Variants in TEAD2 observed in about 807,000 individuals in gnomAD.
TEAD2 encodes TEA domain transcription factor 2.
A neutral mutation model predicts 61.4 loss-of-function variants in TEAD2; 51 were observed. That is an observed-to-expected ratio of 0.83 (90% confidence interval 0.66 to 1.05). TEAD2 has a LOEUF of 1.05. Among genes scored for constraint, TEAD2 ranks in the 50% least tolerant of loss-of-function variants. TEAD2 has a pLI of 0.00. For missense variants in TEAD2, 509 were observed against 600.0 expected (o/e 0.85, Z 1.58); for synonymous variants, 244 against 243.2 (o/e 1.00, Z -0.03).
rs1244524515 is a variant in TEAD2, at chr19:49,359,632, T to G, written c.233-133A>C. 1 of 1,142,190 alleles carries G rather than the reference T, an allele frequency of 8.8e-7. No individual in the cohort carries two copies. Among genetic ancestry groups the G allele is most frequent in the Non-Finnish European group, 1.3e-6 (1 of 775,046 alleles). The allele number at this position is 1,142,190 out of a possible 1,614,324, so 70.8% of individuals were successfully genotyped here. A position where few individuals can be genotyped will look rare whatever the true frequency, so the allele number is the denominator to read the frequency against. Reference sequence around the variant, plus strand: ...CAAGTGGGCTGCCGGTCCCCTCAGCTACGTGGAAGCCAGACTGCTTGGGTT... The same window carrying G: ...CAAGTGGGCTGCCGGTCCCCTCAGCGACGTGGAAGCCAGACTGCTTGGGTT... On this transcript the variant is annotated intron_variant, in intron 2 of 12. Transcript: ENST00000593945. The surrounding 1 kb of genome is among the most constrained non-coding windows in gnomAD (Gnocchi z 4.1).
chr19:49,346,930 CCAGGTAACT>C lies in TEAD2; in HGVS notation c.921+251_921+259del, dbSNP rs1398858739. On this transcript the variant is annotated intron_variant, in intron 10 of 12. Transcript: ENST00000593945. Reference sequence around the variant, plus strand: ...GCCCAGGACCCTATTAGCTACATGGCCAGGTAACTCACCGTATTAGTTACATGTGGCAAT... The same window carrying C: ...GCCCAGGACCCTATTAGCTACATGGCCACCGTATTAGTTACATGTGGCAAT... 3.9e-5 allele frequency among the ~76,000 whole-genome samples: 6 copies of C among 152,254 alleles called. No individual in the cohort carries two copies. In the East Asian group the frequency reaches 1.2e-3, roughly 29 times the overall value.
Position 49,342,565 on chromosome 19 carries a change from C to G in TEAD2, c.1115G>C (p.Gly372Ala). ...GCGCAGCAGGCGGTACACAAATCTG[C>G]CGTCCTCCAGCTGGGCCCGTTCCGT... ...VETERAQLED[G>A]RFVYRLLRSP... The change falls in exon 12 of 13, where the codon GGC becomes GCC. Residue 372 changes from glycine to alanine, a missense_variant. By Grantham distance (60) the Gly-to-Ala change is moderately conservative. Transcript: ENST00000593945. The G allele has an allele frequency of 6.2e-7, 1 of 1,613,618 alleles. No homozygotes were observed.
chr19:49,351,158 A>G, intron 8 of TEAD2, 143 bp downstream of exon 8: 1 of 768,180 alleles, frequency 1.3e-6, no homozygotes, highest in Non-Finnish European at 2.1e-6. Context: ...CAGCCTGGCG[A>G]CAGAGGGAGA....
chr19:49,359,094 C>T lies in TEAD2; in HGVS notation c.297+341G>A, dbSNP rs1972616848. 6.6e-6 allele frequency among the ~76,000 whole-genome samples: 1 copy of T among 151,968 alleles called. No individual in the cohort carries two copies. The highest frequency in any genetic ancestry group is 2.4e-5 in the African/African-American group (1 of 41,424). ...TCTCTACTAAAAATACAAAATTACC[C>T]AGGCATGGTAGTGCATGTCTGTAAT... On this transcript the variant is annotated intron_variant, in intron 3 of 12. Transcript: ENST00000593945. The surrounding 1 kb of genome is among the most constrained non-coding windows in gnomAD (Gnocchi z 4.1).
intron 3 of TEAD2, 112 bp from the exon 4 acceptor site, chr19:49,357,426 A>G: frequency 8.9e-7 from 1 of 1,122,770 alleles, no homozygotes; most frequent in Non-Finnish European, 1.3e-6. Context: ...GAAAGGTGAA[A>G]AACACACTGA....
At chr19:49,352,597 C>T (rs1457972699) in intron 7 of TEAD2, among the ~76,000 whole-genome samples, 1 of 152,158 alleles carries the variant, frequency 6.6e-6, no homozygotes, top group Non-Finnish European at 1.5e-5. Flanking sequence ...ACTGCAATGG[C>T]GTGATCTTGG....
At chr19:49,343,526 G>T in intron 10 of TEAD2, 128 bp from the exon 11 acceptor site, 5 of 1,068,292 alleles carry the variant, frequency 4.7e-6, no homozygotes, top group Non-Finnish European at 6.5e-6. Flanking sequence ...GATCACCTGA[G>T]GTTGGGAGTT....
In TEAD2 at chr19:49,341,394, G is replaced by C. The variant is rs757112725; in HGVS notation, c.1286C>G (p.Ala429Gly). ...RDTQELLLCT[A>G]YVFEVSTSER... ...GCTGGTGGAGACCTCGAAGACATAGGCGGTGCAGAGCAGCAGTTCCTGGGT... is the reference window on the plus strand; with the variant it reads ...GCTGGTGGAGACCTCGAAGACATAGCCGGTGCAGAGCAGCAGTTCCTGGGT... The change falls in exon 13 of 13, where the codon GCC becomes GGC. Residue 429 changes from alanine (A) to glycine (G), a missense_variant. Coordinates refer to ENST00000593945, the MANE Select transcript of TEAD2 (RefSeq NM_001256660.2). This position sits in a 1 kb window ranked among gnomAD's most constrained non-coding sequence, Gnocchi z 4.2. The C allele has an allele frequency of 5.0e-6, 8 of 1,614,074 alleles. No homozygotes were observed. Among genetic ancestry groups the C allele is most frequent in the Non-Finnish European group, 6.8e-6 (8 of 1,179,954 alleles).
At position 49,359,575 on chromosome 19, in the gene TEAD2, A is replaced by G; in HGVS notation, c.233-76T>C. On this transcript the variant is annotated intron_variant, in intron 2 of 12. Coordinates refer to ENST00000593945, the MANE Select transcript of TEAD2 (RefSeq NM_001256660.2). The surrounding 1 kb of genome is among the most constrained non-coding windows in gnomAD (Gnocchi z 4.1). ...CCCACAGCATGGACACCAGGGAAGAAGAAAGCAGCATGGGTCCCCAAAGGT... is the reference window on the plus strand; with the variant it reads ...CCCACAGCATGGACACCAGGGAAGAGGAAAGCAGCATGGGTCCCCAAAGGT... The G allele has an allele frequency of 1.3e-6, 2 of 1,536,554 alleles. No individual in the cohort carries two copies. The highest frequency in any genetic ancestry group is 9.0e-7 in the Non-Finnish European group (1 of 1,110,754).
chr19:49,353,952 T>TGTA, intron 7 of TEAD2, among the ~76,000 whole-genome samples: 1 of 120,802 alleles, frequency 8.3e-6, no homozygotes, highest in East Asian at 2.3e-4. Flanking sequence ...AGCTAATTGT[T>TGTA]TTTTGTTTTT....
At chr19:49,357,360 CCT>C (rs764737632) in intron 3 of TEAD2, 46 bp from the exon 4 acceptor site, 2 of 1,588,198 alleles carry the variant, frequency 1.3e-6, no homozygotes, top group Non-Finnish European at 1.7e-6. Flanking sequence ...AGCCACCGCC[CCT>C]GTGTTCACTA....
At chr19:49,356,994 G>A (rs1259060956) in intron 4 of TEAD2, among the ~76,000 whole-genome samples, 2 of 149,518 alleles carry the variant, frequency 1.3e-5, no homozygotes, top group Non-Finnish European at 3.0e-5. Flanking sequence ...CTGTCTATGG[G>A]TCTCTGTCCC....
chr19:49,352,515 C>A (rs1198840122), intron 7 of TEAD2, among the ~76,000 whole-genome samples: 1 of 152,046 alleles, frequency 6.6e-6, no homozygotes, highest in East Asian at 1.9e-4. Context: ...TTGAGACCAG[C>A]CTGGGCAACA....
chr19:49,351,222 T>C (rs767676660), intron 8 of TEAD2, 79 bp downstream of exon 8: 12 of 1,348,826 alleles, frequency 8.9e-6, no homozygotes, highest in Non-Finnish European at 1.2e-5. Flanking sequence ...ATCCCTCAAT[T>C]GATGGAAGGT....
Position 49,341,185 on chromosome 19 carries a change from T to A in TEAD2, c.*139A>T, listed in dbSNP as rs1393577625. The A allele has an allele frequency of 1.4e-6, 1 of 711,042 alleles. No individual in the cohort carries two copies. Among genetic ancestry groups the A allele is most frequent in the Non-Finnish European group, 2.3e-6 (1 of 426,840 alleles). 44.0% of individuals were successfully genotyped at this position (711,042 alleles called of 1,614,324 possible). ...TTGGGGGCCCCTCTAATGGGGGGGA[T>A]GGCCCCAGTTGCTTAGGCCTCTGAG... On this transcript the variant is annotated 3_prime_UTR_variant, in exon 13 of 13. Transcript: ENST00000593945. The surrounding 1 kb of genome is among the most constrained non-coding windows in gnomAD (Gnocchi z 4.2).
At chr19:49,346,789 C>T (rs1748923644) in intron 10 of TEAD2, among the ~76,000 whole-genome samples, 1 of 152,202 alleles carries the variant, frequency 6.6e-6, no homozygotes, top group Admixed American at 6.6e-5. Context: ...CATCAGTCCC[C>T]TCTTTAGAAA....
At chr19:49,355,552 C>T in intron 5 of TEAD2, 133 bp from the exon 6 acceptor site, 2 of 728,218 alleles carry the variant, frequency 2.7e-6, no homozygotes, top group South Asian at 1.7e-5. Flanking sequence ...AGTGGCCGGG[C>T]ATGGTGGCTC....
chr19:49,352,838 C>G (rs755636875), intron 7 of TEAD2, among the ~76,000 whole-genome samples: 4 of 151,916 alleles, frequency 2.6e-5, no homozygotes, highest in African/African-American at 9.7e-5. Context: ...CTATGCCTGG[C>G]CTCCTTTTCT....
rs912864281 is a variant in TEAD2 at position 49,340,755 on chromosome 19, C to A, written c.*569G>T. On this transcript the variant is annotated 3_prime_UTR_variant, in exon 13 of 13. Coordinates refer to ENST00000593945, the MANE Select transcript of TEAD2 (RefSeq NM_001256660.2). ...CGGAGATAAAGTCAAGACCCTAGCA[C>A]CCACTTATAAATATCTCGTTATATT... The A allele has an allele frequency of 7.8e-6, 2 of 257,002 alleles. No homozygotes were observed. The highest frequency in any genetic ancestry group is 9.7e-5 in the East Asian group (1 of 10,348). 15.9% of individuals were successfully genotyped at this position (257,002 alleles called of 1,614,324 possible).
Sources: allele counts gnomAD v4.1 joint callset (sites outside exome capture counted in the v4.1 genomes callset), GRCh38; gene constraint gnomAD v4.1.1; non-coding constraint Gnocchi (gnomAD v3.1); transcripts MANE v1.5; gene names NCBI Gene and HGNC (gene_info 2026-07-23, HGNC 2026-07-21).